EFL1: variants seen among roughly 807,000 people sequenced by gnomAD.
EFL1 encodes the protein elongation factor like GTPase 1.
EFL1 carries 76 observed loss-of-function variants against 126.7 expected under a neutral mutation model. That is an observed-to-expected ratio of 0.60 (90% CI 0.50 to 0.73). The LOEUF (loss-of-function observed/expected upper bound fraction) is 0.73. Among genes scored for constraint, EFL1 ranks in the 30% least tolerant of loss-of-function variants. The pLI, the probability that EFL1 is intolerant of heterozygous loss-of-function variation, is 0.00. For synonymous variants in EFL1, 410 were observed against 448.4 expected, an observed-to-expected ratio of 0.91 and a Z score of 1.08; for missense variants, 1,128 against 1,343.2, an observed-to-expected ratio of 0.84 and a Z score of 2.50.
chr15:82,210,354 A>G (rs1246147157), intron 15 of EFL1, among the ~76,000 whole-genome samples: 1 of 152,168 alleles, frequency 6.6e-6, no homozygotes, highest in Admixed American at 6.5e-5. Context: ...GCTAGGTCAT[A>G]AAAGGTGATA....
At chr15:82,181,621 CATGT>C (rs2074252244) in intron 15 of EFL1, among the ~76,000 whole-genome samples, 1 of 94,060 alleles carries the variant, frequency 1.1e-5, no homozygotes, top group Non-Finnish European at 2.1e-5. Flanking sequence ...TATGTGTGTG[CATGT>C]GTGTGTGTGT....
chr15:82,138,252 T>C (rs1161176377), intron 19 of EFL1, among the ~76,000 whole-genome samples: 2 of 152,186 alleles, frequency 1.3e-5, no homozygotes, highest in East Asian at 3.8e-4. Context: ...CTCTAATTAC[T>C]GGAGATATTT....
At chr15:82,165,375 T>C (rs767720606) in intron 15 of EFL1, among the ~76,000 whole-genome samples, 4 of 152,196 alleles carry the variant, frequency 2.6e-5, no homozygotes, top group Non-Finnish European at 5.9e-5. Context: ...CTGTCCTTAG[T>C]TGACCAATTG....
chr15:82,237,551 C>T (rs1424623226), intron 7 of EFL1, among the ~76,000 whole-genome samples: 1 of 152,214 alleles, frequency 6.6e-6, no homozygotes, highest in Non-Finnish European at 1.5e-5. Flanking sequence ...CACGCATGCA[C>T]TGCTGGTGAG....
intron 18 of EFL1, among the ~76,000 whole-genome samples, chr15:82,141,437 A>T (rs1204562449): frequency 6.6e-6 from 1 of 152,200 alleles, no homozygotes; most frequent in Non-Finnish European, 1.5e-5. Context: ...TGGGAGGCCA[A>T]GGCAGGCAGA....
At chr15:82,179,680 G>A (rs946513055) in intron 15 of EFL1, among the ~76,000 whole-genome samples, 1 of 151,874 alleles carries the variant, frequency 6.6e-6, no homozygotes, top group Non-Finnish European at 1.5e-5. Flanking sequence ...CTTCACAGTG[G>A]CCCTCCCTCC....
chr15:82,200,481 G>A (rs1433650129), intron 15 of EFL1, among the ~76,000 whole-genome samples: 2 of 152,138 alleles, frequency 1.3e-5, no homozygotes, highest in African/African-American at 4.8e-5. Flanking sequence ...ACAAAAGCCT[G>A]GGACAATGTT....
chr15:82,138,425 A>ATGTGTGT (rs1555423511), intron 19 of EFL1, among the ~76,000 whole-genome samples: 3 of 46,180 alleles, frequency 6.5e-5, no homozygotes, highest in Admixed American at 5.1e-4. Flanking sequence ...AGAGAGAGAG[A>ATGTGTGT]GTGTATGTGT....
At position 82,227,517 on chromosome 15, in the gene EFL1, C is replaced by A. The variant is rs1374552852; in HGVS notation, c.1125G>T (p.Glu375Asp). 6.2e-7 allele frequency: 1 copy of A among 1,614,180 alleles called. No homozygotes were observed. The highest frequency in any genetic ancestry group is 8.5e-7 in the Non-Finnish European group (1 of 1,180,018). ...SPLDITAERVERLMCTGSQTF... is the reference protein window; with the variant it reads ...SPLDITAERVDRLMCTGSQTF... The stretch of plus-strand genomic sequence containing the variant: ...TTTGTGATCCTGTGCACATCAGTCT[C>A]TCCACTCTCTCAGCTGTAATATCAA... Residue 375 changes from glutamate (E) to aspartate (D), a missense_variant, in exon 11 of 20, where the codon GAG becomes GAT. Glu to Asp is a conservative substitution (Grantham distance 45, BLOSUM62 2). Around this residue, in one of 6 missense-constraint regions of EFL1, gnomAD observed 316 missense variants for 318.5 expected, o/e 0.99. Transcript: ENST00000268206.
chr15:82,146,912 G>A (rs907733772), intron 18 of EFL1, among the ~76,000 whole-genome samples: 10 of 152,100 alleles, frequency 6.6e-5, no homozygotes, highest in African/African-American at 2.4e-4. Context: ...ATTTCTTCCT[G>A]GAAAGTGGCA....
At chr15:82,216,387 TG>T (rs1371493326) in intron 14 of EFL1, among the ~76,000 whole-genome samples, 1 of 152,072 alleles carries the variant, frequency 6.6e-6, no homozygotes, top group Admixed American at 6.6e-5. Flanking sequence ...ACCATAAACT[TG>T]ATATATAGGA....
intron 3 of EFL1, among the ~76,000 whole-genome samples, chr15:82,254,652 T>C (rs1216180176): frequency 6.6e-6 from 1 of 152,206 alleles, no homozygotes; most frequent in Non-Finnish European, 1.5e-5. Flanking sequence ...ACTTAATATA[T>C]TATACTGTCA....
In EFL1 at chr15:82,163,935, G is replaced by C. The variant is rs1265128542; in HGVS notation, c.1800C>G (p.Ser600Arg). 2 of 1,614,098 alleles carry C rather than the reference G, an allele frequency of 1.2e-6. No individual in the cohort carries two copies. The highest frequency in any genetic ancestry group is 1.7e-5 in the Admixed American group (1 of 60,022). ...DFVLKSATLC[S>R]LPSCPPFIPL... ...GTATAAATGGTGGGCAGGATGGCAG[G>C]CTACACAGTGTTGCAGATTTCAGCA... Residue 600 changes from serine (S) to arginine (R), a missense_variant, in exon 16 of 20, where the codon AGC becomes AGG. This residue lies in a region of EFL1 where 561 missense variants were observed against 641.7 expected (regional missense o/e 0.87). Coordinates refer to ENST00000268206, the MANE Select transcript of EFL1 (RefSeq NM_024580.6).
intron 15 of EFL1, among the ~76,000 whole-genome samples, chr15:82,188,568 A>G (rs1175392004): frequency 6.6e-6 from 1 of 152,164 alleles, no homozygotes; most frequent in Non-Finnish European, 1.5e-5. Flanking sequence ...TAAAAATTCA[A>G]TGTGTTTTAA....
intron 15 of EFL1, among the ~76,000 whole-genome samples, chr15:82,180,838 C>G (rs2074244910): frequency 6.6e-6 from 1 of 151,906 alleles, no homozygotes; most frequent in Non-Finnish European, 1.5e-5. Flanking sequence ...GGGGGGCCCT[C>G]TCACCTCAGC....
chr15:82,252,661 T>C (rs1382339772), intron 4 of EFL1, 30 bp downstream of exon 4: 3 of 1,550,660 alleles, frequency 1.9e-6, no homozygotes, highest in Non-Finnish European at 2.7e-6. Context: ...GATGCAAAGC[T>C]GTGTTTCGTT....
At chr15:82,190,842 T>C (rs1367026160) in intron 15 of EFL1, among the ~76,000 whole-genome samples, 5 of 152,164 alleles carry the variant, frequency 3.3e-5, no homozygotes, top group Non-Finnish European at 2.9e-5. Context: ...TGTGTATATA[T>C]ACAGATACAT....
chr15:82,141,825 G>C (rs755234419), intron 18 of EFL1, among the ~76,000 whole-genome samples: 5 of 152,170 alleles, frequency 3.3e-5, no homozygotes, highest in Non-Finnish European at 5.9e-5. Context: ...GGGACAAGCT[G>C]CCTGACTGCT....
intron 15 of EFL1, among the ~76,000 whole-genome samples, chr15:82,211,351 C>T (rs527983021): frequency 6.6e-6 from 1 of 151,494 alleles, no homozygotes; most frequent in Admixed American, 6.6e-5. Flanking sequence ...CTGGTGAAAC[C>T]CCATCTCTAC....
Sources: allele counts gnomAD v4.1 joint callset (sites outside exome capture counted in the v4.1 genomes callset), GRCh38; gene constraint gnomAD v4.1.1; regional missense constraint gnomAD v4.1.1; transcripts MANE v1.5; gene names NCBI Gene and HGNC (gene_info 2026-07-23, HGNC 2026-07-21).